The following EXOC6B variants were observed in gnomAD, a reference collection of about 807,000 sequenced individuals.
EXOC6B encodes exocyst complex component 6B.
A neutral mutation model predicts 113.5 loss-of-function variants in EXOC6B; 54 were observed. That is an observed-to-expected ratio of 0.48 (90% confidence interval 0.38 to 0.60). The LOEUF (loss-of-function observed/expected upper bound fraction) is 0.60, where lower values mean the gene tolerates loss of function less well. EXOC6B is among the 20% of genes least tolerant of loss of function. The pLI, the probability that EXOC6B is intolerant of heterozygous loss-of-function variation, is 0.00. For synonymous variants in EXOC6B, 357 were observed against 339.0 expected (o/e 1.05, Z -0.58); for missense variants, 797 against 977.5 (o/e 0.82, Z 2.46).
chr2:72,532,691 A>C lies in EXOC6B; in HGVS notation c.916-17565T>G, dbSNP rs182373107. Among the ~76,000 whole-genome samples, 749 of 151,954 alleles carry C rather than the reference A, an allele frequency of 4.9e-3. 11 individuals are homozygous for C. Among genetic ancestry groups the C allele is most frequent in the African/African-American group, 0.017 (696 of 41,500 alleles). ...GGTGTGGTGGCGCGCGCCTGTAATC[A>C]CAGCTACTCTGGAGGCTGAGGCAGG... On this transcript the variant is annotated intron_variant, in intron 8 of 21. Transcript: ENST00000272427.
At chr2:72,554,211 C>T (rs1425326259) in intron 8 of EXOC6B, among the ~76,000 whole-genome samples, 1 of 152,170 alleles carries the variant, frequency 6.6e-6, no homozygotes, top group Non-Finnish European at 1.5e-5. Context: ...TTAGATTACA[C>T]AATTCTCCCT....
intron 20 of EXOC6B, among the ~76,000 whole-genome samples, chr2:72,306,921 T>A (rs1686895386): frequency 6.6e-6 from 1 of 152,204 alleles, no homozygotes; most frequent in Non-Finnish European, 1.5e-5. Context: ...TAAGTGAGAT[T>A]ACTTTCATGT....
chr2:72,244,968 A>G (rs945760219), intron 20 of EXOC6B, among the ~76,000 whole-genome samples: 1 of 152,184 alleles, frequency 6.6e-6, no homozygotes, highest in Non-Finnish European at 1.5e-5. Flanking sequence ...CTACAAAAAT[A>G]TGATGAAAGA....
intron 5 of EXOC6B, 65 bp from the exon 6 acceptor site, chr2:72,718,372 C>T: frequency 7.1e-7 from 1 of 1,402,708 alleles, no homozygotes; most frequent in Non-Finnish European, 9.9e-7. Context: ...AAATGTCTAG[C>T]CTGAATTGGT....
chr2:72,613,811 A>C (rs1380658170), intron 6 of EXOC6B, among the ~76,000 whole-genome samples: 2 of 152,084 alleles, frequency 1.3e-5, no homozygotes, highest in African/African-American at 4.8e-5. Flanking sequence ...TTAGTGGCCT[A>C]TAGCTGGGGT....
chr2:72,776,897 G>A (rs1326416464), intron 1 of EXOC6B, among the ~76,000 whole-genome samples: 1 of 152,030 alleles, frequency 6.6e-6, no homozygotes, highest in Non-Finnish European at 1.5e-5. Context: ...ACTCCAAGTA[G>A]AATAAACTCA....
At chr2:72,700,236 A>AC in intron 6 of EXOC6B, among the ~76,000 whole-genome samples, 1 of 122,268 alleles carries the variant, frequency 8.2e-6, no homozygotes, top group Non-Finnish European at 1.7e-5. Flanking sequence ...AAGACCACAG[A>AC]AACACACACA....
At chr2:72,558,557 G>C (rs1703704864) in intron 8 of EXOC6B, among the ~76,000 whole-genome samples, 1 of 152,142 alleles carries the variant, frequency 6.6e-6, no homozygotes, top group South Asian at 2.1e-4. Context: ...ATGACCTGAG[G>C]TCAGGAGTTC....
At chr2:72,497,729 T>G (rs189372155) in intron 13 of EXOC6B, among the ~76,000 whole-genome samples, 6 of 152,142 alleles carry the variant, frequency 3.9e-5, no homozygotes, top group African/African-American at 1.4e-4. Flanking sequence ...CTATAAGAGT[T>G]TGAAAAGAGG....
intron 20 of EXOC6B, among the ~76,000 whole-genome samples, chr2:72,205,076 C>A (rs1423519452): frequency 6.6e-6 from 1 of 152,046 alleles, no homozygotes; most frequent in Non-Finnish European, 1.5e-5. Flanking sequence ...TGAAGGGTAT[C>A]CCTGAAATAA....
chr2:72,287,509 G>C (rs1271308536), intron 20 of EXOC6B, among the ~76,000 whole-genome samples: 1 of 150,768 alleles, frequency 6.6e-6, no homozygotes, highest in Admixed American at 6.6e-5. Flanking sequence ...CAAAGGCAAA[G>C]AAATGCTTCT....
intron 6 of EXOC6B, among the ~76,000 whole-genome samples, chr2:72,713,763 A>G (rs142882382): frequency 6.6e-6 from 1 of 152,332 alleles, no homozygotes; most frequent in African/African-American, 2.4e-5. Flanking sequence ...CACACAGGGA[A>G]AAATGATGAA....
chr2:72,228,758 T>C (rs1376599791), intron 20 of EXOC6B, among the ~76,000 whole-genome samples: 1 of 152,210 alleles, frequency 6.6e-6, no homozygotes, highest in Non-Finnish European at 1.5e-5. Flanking sequence ...CAGCATGATT[T>C]ATAATCCTTT....
At chr2:72,335,293 T>C in intron 19 of EXOC6B, 1 of 312,546 alleles carries the variant, frequency 3.2e-6, no homozygotes, top group Non-Finnish European at 5.9e-6. Flanking sequence ...AGTATTTGTT[T>C]TGTGAATGGA....
rs1215709132 is a variant in EXOC6B, at chr2:72,512,365, A to G, written c.1167+767T>C. Among the ~76,000 whole-genome samples, 111 of 25,866 alleles carry G rather than the reference A, an allele frequency of 4.3e-3. 2 individuals carry two copies. The highest frequency in any genetic ancestry group is 0.013 in the African/African-American group (104 of 8,126). The allele number at this position is 25,866 out of a possible 152,430, so 17.0% of individuals were successfully genotyped here. Reference sequence around the variant, plus strand: ...GAAGGAAGGAAGGAAGGAAGGAAGGAAAGAAGGAAGGAAGGAAGGAAGGAA... The same window carrying G: ...GAAGGAAGGAAGGAAGGAAGGAAGGGAAGAAGGAAGGAAGGAAGGAAGGAA... On this transcript the variant is annotated intron_variant, in intron 11 of 21. Transcript: ENST00000272427.
intron 1 of EXOC6B, among the ~76,000 whole-genome samples, chr2:72,810,096 G>A (rs1434325725): frequency 6.6e-6 from 1 of 151,970 alleles, no homozygotes; most frequent in Non-Finnish European, 1.5e-5. Flanking sequence ...CAGAAAGATA[G>A]GAAATGTCCA....
intron 18 of EXOC6B, among the ~76,000 whole-genome samples, chr2:72,443,330 A>G (rs1018900089): frequency 1.5e-4 from 23 of 151,666 alleles, no homozygotes; most frequent in African/African-American, 5.1e-4. Flanking sequence ...CAAAAAAAAA[A>G]AAAAAAAGAA....
intron 11 of EXOC6B, among the ~76,000 whole-genome samples, chr2:72,502,668 G>T (rs1242299761): frequency 6.6e-6 from 1 of 151,906 alleles, no homozygotes; most frequent in Non-Finnish European, 1.5e-5. Flanking sequence ...ATAAAAAATT[G>T]TCTCCCGCCA....
chr2:72,473,727 T>C (rs1300687206), intron 17 of EXOC6B, among the ~76,000 whole-genome samples: 3 of 152,084 alleles, frequency 2.0e-5, no homozygotes, highest in Non-Finnish European at 4.4e-5. Flanking sequence ...TATCTTCTGG[T>C]TATTTTGTGT....
Sources: gnomAD v4.1 joint callset for allele counts (sites outside exome capture counted in the v4.1 genomes callset) on GRCh38, gnomAD v4.1.1 for gene constraint, MANE v1.5 for transcripts, NCBI Gene and HGNC (gene_info 2026-07-23, HGNC 2026-07-21) for gene names.